Variants in SEPTIN9 observed in about 807,000 individuals in gnomAD.
SEPTIN9 encodes the protein septin-9.
Under a neutral mutation model 56.6 loss-of-function variants are expected in SEPTIN9, and 13 were observed. That is an observed-to-expected ratio of 0.23 (90% CI 0.15 to 0.37). The LOEUF (loss-of-function observed/expected upper bound fraction) is 0.37. SEPTIN9 is among the 10% of genes least tolerant of loss of function. The probability of loss-of-function intolerance (pLI) is 1.00; values close to 1 mark genes in which losing one functional copy is unlikely to be tolerated. For missense variants in SEPTIN9, 650 were observed against 823.1 expected (o/e 0.79, Z 2.57); for synonymous variants, 332 against 334.1 (o/e 0.99, Z 0.07).
chr17:77,491,095 A>G lies in SEPTIN9; in HGVS notation c.1380+236A>G, dbSNP rs57517860. Among the ~76,000 whole-genome samples the G allele has an allele frequency of 0.021, 3,206 of 152,192 alleles. 79 individuals carry two copies. The highest frequency in any genetic ancestry group is 0.056 in the African/African-American group (2,307 of 41,546). On this transcript the variant is annotated intron_variant, in intron 8 of 11. Transcript: ENST00000427177. The stretch of plus-strand genomic sequence containing the variant: ...CAAAAGCAGCTTTGTGGGAGTGCCA[A>G]TTCTCCAGCAGAGTCTCTGAGGGGG...
rs114463325 is a variant in SEPTIN9, at chr17:77,314,029, G to A, written c.76+6832G>A. Among the ~76,000 whole-genome samples the A allele has an allele frequency of 5.6e-3, 850 of 152,116 alleles. 8 individuals are homozygous for A. The highest frequency in any genetic ancestry group is 0.023 in the South Asian group (113 of 4,820). Reference sequence around the variant, plus strand: ...AGCCTGGGCAACATGACGAGACCCCGTCTTGACTAAAAATACAAAAAGTTA... The same window carrying A: ...AGCCTGGGCAACATGACGAGACCCCATCTTGACTAAAAATACAAAAAGTTA... On this transcript the variant is annotated intron_variant, in intron 2 of 11. Coordinates refer to ENST00000427177, the MANE Select transcript of SEPTIN9 (RefSeq NM_001113491.2).
intron 10 of SEPTIN9, among the ~76,000 whole-genome samples, chr17:77,493,493 C>T (rs1011828088): frequency 6.6e-6 from 1 of 152,202 alleles, no homozygotes; most frequent in Admixed American, 6.5e-5. Flanking sequence ...GGGACCCTCA[C>T]ACCTTAGTCT....
In SEPTIN9 at chr17:77,400,086, C is replaced by T. The variant is rs2035851363; in HGVS notation, c.77-1973C>T. ...CTGCCTCCCGGGTTCAAGCGATTCT[C>T]CTGCCTCAGCCTCCTGAGTAGCTGG... On this transcript the variant is annotated intron_variant, in intron 2 of 11. Transcript: ENST00000427177. This position sits in a 1 kb window ranked among gnomAD's most constrained non-coding sequence, Gnocchi z 4.1. 1.3e-5 allele frequency among the ~76,000 whole-genome samples: 2 copies of T among 152,288 alleles called. No individual in the cohort carries two copies. Among genetic ancestry groups the T allele is most frequent in the Middle Eastern group, 3.4e-3 (1 of 294 alleles).
intron 2 of SEPTIN9, among the ~76,000 whole-genome samples, chr17:77,388,866 A>G (rs531025095): frequency 3.0e-4 from 35 of 116,682 alleles, no homozygotes; most frequent in Non-Finnish European, 2.8e-4. Context: ...CATTTCCCCT[A>G]ATGGACAATG....
At chr17:77,432,441 G>A (rs1267452244) in intron 3 of SEPTIN9, among the ~76,000 whole-genome samples, 1 of 152,192 alleles carries the variant, frequency 6.6e-6, no homozygotes, top group Non-Finnish European at 1.5e-5. Context: ...CCGAGGCCCC[G>A]TCTGTGTCAG....
chr17:77,340,425 G>A (rs1029285608), intron 2 of SEPTIN9, among the ~76,000 whole-genome samples: 2 of 152,224 alleles, frequency 1.3e-5, no homozygotes, highest in African/African-American at 4.8e-5. Flanking sequence ...ACAGGCGTGA[G>A]TTGCCGCACC....
chr17:77,363,797 C>T (rs1003066625), intron 2 of SEPTIN9, among the ~76,000 whole-genome samples: 2 of 152,122 alleles, frequency 1.3e-5, no homozygotes, highest in African/African-American at 4.8e-5. Context: ...TGGACAGGTC[C>T]CCAGAACCAA....
rs1327293639 is a variant in SEPTIN9 at position 77,316,491 on chromosome 17, C to G, written c.76+9294C>G. Among the ~76,000 whole-genome samples, 5 of 152,334 alleles carry G rather than the reference C, an allele frequency of 3.3e-5. No homozygotes were observed. The South Asian group carries it at 1.0e-3, about 32-fold the overall frequency. ...GCTGTGCTCAGCAAGTGCTCCAGCCCTGGCCGTCAAACCCATAGTGTGCAC... is the reference window on the plus strand; with the variant it reads ...GCTGTGCTCAGCAAGTGCTCCAGCCGTGGCCGTCAAACCCATAGTGTGCAC... On this transcript the variant is annotated intron_variant, in intron 2 of 11. Coordinates refer to ENST00000427177, the MANE Select transcript of SEPTIN9 (RefSeq NM_001113491.2).
At chr17:77,408,880 C>T (rs1263922161) in intron 3 of SEPTIN9, among the ~76,000 whole-genome samples, 1 of 152,116 alleles carries the variant, frequency 6.6e-6, no homozygotes, top group East Asian at 1.9e-4. Context: ...CTGTGGACTC[C>T]CTGAGGCAGG....
chr17:77,440,351 C>T (rs757599806), intron 3 of SEPTIN9, among the ~76,000 whole-genome samples: 36 of 152,082 alleles, frequency 2.4e-4, no homozygotes, highest in Non-Finnish European at 4.7e-4. Context: ...GATGGGGTTT[C>T]ACCAAGTTGG....
intron 3 of SEPTIN9, among the ~76,000 whole-genome samples, chr17:77,403,538 T>C (rs897120794): frequency 2.6e-5 from 4 of 152,158 alleles, no homozygotes; most frequent in African/African-American, 9.7e-5. Context: ...AATGCCAGGC[T>C]GTGGGACATG....
chr17:77,303,968 C>T (rs1247314368), intron 1 of SEPTIN9, among the ~76,000 whole-genome samples: 1 of 152,200 alleles, frequency 6.6e-6, no homozygotes, highest in African/African-American at 2.4e-5. Flanking sequence ...TCTGGGATGA[C>T]TCCAGACAGC....
In SEPTIN9 at chr17:77,283,160, CTTTT is replaced by C. The variant is rs33965677; in HGVS notation, c.19+1621_19+1624del. Among the ~76,000 whole-genome samples the C allele has an allele frequency of 3.6e-3, 477 of 132,346 alleles. 1 individual carries two copies. Among genetic ancestry groups the C allele is most frequent in the African/African-American group, 0.013 (452 of 34,920 alleles). 86.8% of individuals were successfully genotyped at this position (132,346 alleles called of 152,430 possible). ...ACCTACCCCACCCCTCACTGGGTTT[CTTTT>C]TTTTTTTTTTTTTTAAAAAAAAGGA... is the stretch of plus-strand genomic sequence containing the variant. On this transcript the variant is annotated intron_variant, in intron 1 of 11. Coordinates refer to ENST00000427177, the MANE Select transcript of SEPTIN9 (RefSeq NM_001113491.2).
intron 2 of SEPTIN9, among the ~76,000 whole-genome samples, chr17:77,385,156 A>AC (rs999450852): frequency 1.6e-5 from 2 of 126,728 alleles, no homozygotes; most frequent in African/African-American, 3.0e-5. Context: ...ACATAGGGAG[A>AC]CCCCCACCTT....
Position 77,319,967 on chromosome 17 carries a change from CTG to C in SEPTIN9, c.76+12771_76+12772del. 8 of 1,193,950 alleles carry C rather than the reference CTG, an allele frequency of 6.7e-6. No individual in the cohort carries two copies. Among genetic ancestry groups the C allele is most frequent in the Non-Finnish European group, 8.3e-6 (8 of 958,438 alleles). The allele number at this position is 1,193,950 out of a possible 1,614,324, so 74.0% of individuals were successfully genotyped here. On this transcript the variant is annotated intron_variant, in intron 2 of 11. Coordinates refer to ENST00000427177, the MANE Select transcript of SEPTIN9 (RefSeq NM_001113491.2). This position sits in a 1 kb window ranked among gnomAD's most constrained non-coding sequence, Gnocchi z 5.3. ...CCGACCAGACCGGGCGGCCGGGACT[CTG>C]GGACTCTCGCAGGCAGACCCGGTGG... is the stretch of plus-strand genomic sequence containing the variant.
intron 2 of SEPTIN9, among the ~76,000 whole-genome samples, chr17:77,351,701 G>A (rs755860257): frequency 1.3e-5 from 2 of 152,234 alleles, no homozygotes; most frequent in Admixed American, 1.3e-4. Context: ...CCAGCCCAGC[G>A]GCCCTTCAGG....
At chr17:77,372,763 G>T (rs942572332) in intron 2 of SEPTIN9, among the ~76,000 whole-genome samples, 7 of 151,898 alleles carry the variant, frequency 4.6e-5, no homozygotes, top group African/African-American at 1.5e-4. Flanking sequence ...GGGTGCCCTC[G>T]GTGGGTGGGA....
At chr17:77,290,253 T>A (rs969758448) in intron 1 of SEPTIN9, among the ~76,000 whole-genome samples, 6 of 148,130 alleles carry the variant, frequency 4.1e-5, no homozygotes, top group African/African-American at 1.3e-4. Flanking sequence ...TGTCTTAAAA[T>A]AAATTCTTTT....
intron 2 of SEPTIN9, among the ~76,000 whole-genome samples, chr17:77,396,059 C>T (rs900926675): frequency 1.8e-4 from 28 of 152,034 alleles, no homozygotes; most frequent in African/African-American, 6.5e-4. Flanking sequence ...TGGGAGCTTG[C>T]GAGATTGGAG....
Sources: allele counts gnomAD v4.1 joint callset (sites outside exome capture counted in the v4.1 genomes callset), GRCh38; gene constraint gnomAD v4.1.1; non-coding constraint Gnocchi (gnomAD v3.1); transcripts MANE v1.5; gene names NCBI Gene and HGNC (gene_info 2026-07-23, HGNC 2026-07-21).